Variants in PLEKHA6 observed in about 807,000 individuals in gnomAD.
The protein encoded by PLEKHA6 is pleckstrin homology domain-containing family A member 6.
Under a neutral mutation model 116.7 loss-of-function variants are expected in PLEKHA6, and 60 were observed. The observed-to-expected ratio is 0.51, with a 90% CI of 0.42 to 0.64. PLEKHA6 has a LOEUF of 0.64. PLEKHA6 is among the 30% of genes least tolerant of loss of function. PLEKHA6 has a pLI of 0.00. For missense variants in PLEKHA6, 1,338 were observed against 1,422.7 expected, an observed-to-expected ratio of 0.94 and a Z score of 0.96; for synonymous variants, 489 against 556.1, an observed-to-expected ratio of 0.88 and a Z score of 1.70.
At chr1:204,336,251 C>G (rs1360924265) in intron 1 of PLEKHA6, among the ~76,000 whole-genome samples, 1 of 152,226 alleles carries the variant, frequency 6.6e-6, no homozygotes, top group African/African-American at 2.4e-5. Flanking sequence ...TCCTGTTGCC[C>G]TTGAGATGAC....
chr1:204,341,057 C>A (rs745536697), intron 1 of PLEKHA6, among the ~76,000 whole-genome samples: 1 of 152,182 alleles, frequency 6.6e-6, no homozygotes, highest in African/African-American at 2.4e-5. Flanking sequence ...TGCCTGGCCA[C>A]GGTGCTCTAC....
intron 17 of PLEKHA6, among the ~76,000 whole-genome samples, chr1:204,230,803 C>G (rs1661079437): frequency 6.6e-6 from 1 of 152,118 alleles, no homozygotes; most frequent in Non-Finnish European, 1.5e-5. Flanking sequence ...GGCCCTAAAT[C>G]CAATGGTGTG....
chr1:204,352,456 C>T (rs1455882211), intron 1 of PLEKHA6, among the ~76,000 whole-genome samples: 1 of 152,174 alleles, frequency 6.6e-6, no homozygotes, highest in African/African-American at 2.4e-5. Context: ...TCATTTACTC[C>T]TTGCCGCTGC....
rs370735307 is a variant in PLEKHA6, at chr1:204,304,533, T to C, written c.-94-29724A>G. ...GGATATTTTAAAAGCCTGATTACCA[T>C]CTACTCTCACCATCAGCTCTGAAAA... On this transcript the variant is annotated intron_variant, in intron 1 of 22. Transcript: ENST00000272203. Among the ~76,000 whole-genome samples, 10 of 152,358 alleles carry C rather than the reference T, an allele frequency of 6.6e-5. 1 individual carries two copies. In the South Asian group the frequency reaches 1.9e-3, roughly 28 times the overall value.
chr1:204,265,821 C>G (rs1268088192), intron 5 of PLEKHA6, among the ~76,000 whole-genome samples: 1 of 152,234 alleles, frequency 6.6e-6, no homozygotes, highest in Non-Finnish European at 1.5e-5. Flanking sequence ...CTCTGGCCCT[C>G]TCCTCCCTGG....
upstream of PLEKHA6, among the ~76,000 whole-genome samples, chr1:204,360,652 G>A (rs1343621400): frequency 6.6e-6 from 1 of 151,934 alleles, no homozygotes; most frequent in African/African-American, 2.4e-5. Flanking sequence ...GGAGTCGAGA[G>A]GCTTAATTTT....
intron 1 of PLEKHA6, among the ~76,000 whole-genome samples, chr1:204,341,427 G>GAT (rs1244843094): frequency 1.3e-5 from 2 of 152,218 alleles, no homozygotes; most frequent in African/African-American, 2.4e-5. Context: ...CTTGGCTACA[G>GAT]ATAAAGAACT....
At chr1:204,296,130 C>T (rs768977479) in intron 1 of PLEKHA6, among the ~76,000 whole-genome samples, 9 of 152,150 alleles carry the variant, frequency 5.9e-5, no homozygotes, top group Non-Finnish European at 1.0e-4. Context: ...GTGGGAGGGG[C>T]GTGGTCCTCA....
At chr1:204,291,755 C>A (rs1418349242) in intron 1 of PLEKHA6, among the ~76,000 whole-genome samples, 1 of 151,956 alleles carries the variant, frequency 6.6e-6, no homozygotes, top group African/African-American at 2.4e-5. Context: ...AGAAAGCAGA[C>A]GGGTGGTTGC....
chr1:204,372,542 A>C (rs1175201907), intron 1 of PLEKHA6, among the ~76,000 whole-genome samples: 1 of 152,144 alleles, frequency 6.6e-6, no homozygotes, highest in Non-Finnish European at 1.5e-5. Context: ...ACTCTACTCA[A>C]TGTCTTTAAG....
intron 1 of PLEKHA6, among the ~76,000 whole-genome samples, chr1:204,375,244 C>T (rs1274330630): frequency 6.6e-6 from 1 of 152,118 alleles, no homozygotes; most frequent in Non-Finnish European, 1.5e-5. Context: ...TCTTCAAACT[C>T]TATCCTGTAT....
Position 204,219,873 on chromosome 1 carries a change from T to A in PLEKHA6, c.*2915A>T, listed in dbSNP as rs1659469560. On this transcript the variant is annotated 3_prime_UTR_variant, in exon 23 of 23. Coordinates refer to ENST00000272203, the MANE Select transcript of PLEKHA6 (RefSeq NM_014935.5). ...GGTGAGGTTGAGATGCCACCTTGTC[T>A]GTAGGACCCTCCTTGGCCCAGAGGC... is the stretch of plus-strand genomic sequence containing the variant. 6.6e-6 allele frequency: 1 copy of A among 152,252 alleles called. No individual in the cohort carries two copies. Among genetic ancestry groups the A allele is most frequent in the Non-Finnish European group, 1.5e-5 (1 of 68,090 alleles). The allele number at this position is 152,252 out of a possible 1,614,324, so 9.4% of individuals were successfully genotyped here. A position where few individuals can be genotyped will look rare whatever the true frequency, so the allele number is the denominator to read the frequency against.
At chr1:204,230,882 G>A (rs6665623) in intron 17 of PLEKHA6, among the ~76,000 whole-genome samples, 78,500 of 152,016 alleles carry the variant, frequency 0.52, 20,904 homozygotes, top group African/African-American at 0.66. Context: ...GGCAGAGATC[G>A]GAGTGGTTCA....
rs115408206 is a variant in PLEKHA6, at chr1:204,323,987, T to C, written c.-95+35707A>G. ...CAGTACAGTTCATCCATGAGATCAC[T>C]CAATTCTAATTACAAGCATACTGAG... On this transcript the variant is annotated intron_variant, in intron 1 of 22. Coordinates refer to ENST00000272203, the MANE Select transcript of PLEKHA6 (RefSeq NM_014935.5). Among the ~76,000 whole-genome samples, 392 of 152,254 alleles carry C rather than the reference T, an allele frequency of 2.6e-3. 1 individual carries two copies. Among genetic ancestry groups the C allele is most frequent in the African/African-American group, 9.0e-3 (372 of 41,542 alleles).
intron 1 of PLEKHA6, among the ~76,000 whole-genome samples, chr1:204,335,368 G>A (rs558259770): frequency 1.3e-5 from 2 of 152,146 alleles, no homozygotes; most frequent in East Asian, 3.9e-4. Flanking sequence ...CAGCCAGGCT[G>A]GCTCCCTTGG....
At chr1:204,267,988 G>A (rs1667022317) in intron 4 of PLEKHA6, among the ~76,000 whole-genome samples, 1 of 152,012 alleles carries the variant, frequency 6.6e-6, no homozygotes, top group Admixed American at 6.6e-5. Flanking sequence ...CTGTCCATCA[G>A]GAAACCGGGC....
rs1457032570 is a variant in PLEKHA6, at chr1:204,219,401, G to A, written c.*3387C>T. 1 of 152,546 alleles carries A rather than the reference G, an allele frequency of 6.6e-6. No homozygotes were observed. Among genetic ancestry groups the A allele is most frequent in the East Asian group, 1.9e-4 (1 of 5,180 alleles). 9.4% of individuals were successfully genotyped at this position (152,546 alleles called of 1,614,324 possible). A position where few individuals can be genotyped will look rare whatever the true frequency, so the allele number is the denominator to read the frequency against. ...CTCTCCCAAAGGCCGGAGAGCAAGT[G>A]TGCCACTTGTGCCCTTAGAAAATCT... On this transcript the variant is annotated 3_prime_UTR_variant, in exon 23 of 23. Coordinates refer to ENST00000272203, the MANE Select transcript of PLEKHA6 (RefSeq NM_014935.5).
At position 204,248,809 on chromosome 1, in the gene PLEKHA6, TC is replaced by T; in HGVS notation, c.1824+11del. On this transcript the variant is annotated intron_variant, in intron 12 of 22. Coordinates refer to ENST00000272203, the MANE Select transcript of PLEKHA6 (RefSeq NM_014935.5). Reference sequence around the variant, plus strand: ...ATGAGGTGGGGTGCACGAACCCCGCTCCCTGGGTTACCGTGGTCGCCTGAGA... The same window carrying T: ...ATGAGGTGGGGTGCACGAACCCCGCTCCTGGGTTACCGTGGTCGCCTGAGA... 6.2e-7 allele frequency: 1 copy of T among 1,612,586 alleles called. No homozygotes were observed. The highest frequency in any genetic ancestry group is 8.5e-7 in the Non-Finnish European group (1 of 1,179,422).
chr1:204,326,853 C>T, intron 1 of PLEKHA6: 1 of 340,108 alleles, frequency 2.9e-6, no homozygotes, highest in Non-Finnish European at 4.2e-6. Flanking sequence ...GCATTCACTG[C>T]CTTTCATCAT....
Sources: gnomAD v4.1 joint callset for allele counts (sites outside exome capture counted in the v4.1 genomes callset) on GRCh38, gnomAD v4.1.1 for gene constraint, MANE v1.5 for transcripts, NCBI Gene and HGNC (gene_info 2026-07-23, HGNC 2026-07-21) for gene names.